Variants in RBM18 observed in about 807,000 individuals in gnomAD.
RBM18 encodes probable RNA-binding protein 18.
A neutral mutation model predicts 26.4 loss-of-function variants in RBM18; 18 were observed. The ratio of observed to expected loss-of-function variants is 0.68; its 90% CI spans 0.47 to 1.01. The LOEUF is 1.01. RBM18 is among the 50% of genes least tolerant of loss of function. RBM18 has a pLI of 0.00. For synonymous variants in RBM18, 74 were observed against 81.1 expected, an observed-to-expected ratio of 0.91 and a Z score of 0.47; for missense variants, 180 against 219.2, an observed-to-expected ratio of 0.82 and a Z score of 1.13.
At chr9:122,260,145 G>A (rs1249406862) in intron 2 of RBM18, among the ~76,000 whole-genome samples, 3 of 151,850 alleles carry the variant, frequency 2.0e-5, no homozygotes, top group African/African-American at 4.8e-5. Context: ...TAAGGAGTTC[G>A]AGATCAGCCT....
At chr9:122,259,543 T>C (rs1430641519) in intron 2 of RBM18, among the ~76,000 whole-genome samples, 1 of 152,208 alleles carries the variant, frequency 6.6e-6, no homozygotes, top group African/African-American at 2.4e-5. Flanking sequence ...CCGTCATAAT[T>C]TCTAAGGGAA....
At position 122,239,514 on chromosome 9, in the gene RBM18, A is replaced by T. The variant is rs536130202; in HGVS notation, c.*2370T>A. 2 of 152,356 alleles carry T rather than the reference A, an allele frequency of 1.3e-5. No homozygotes were observed. Among genetic ancestry groups the T allele is most frequent in the South Asian group, 4.1e-4 (2 of 4,830 alleles). 9.4% of individuals were successfully genotyped at this position (152,356 alleles called of 1,614,324 possible). On this transcript the variant is annotated 3_prime_UTR_variant, in exon 6 of 6. Transcript: ENST00000417201. ...CTTCAATTCTTCACTCTTGTATATA[A>T]ATCAAAATTATAAGTGACATAATTT...
At position 122,238,962 on chromosome 9, in the gene RBM18, G is replaced by C. The variant is rs1234657364; in HGVS notation, c.*2922C>G. ...GGATTTGTTGAAGAACTAGATAGGA[G>C]CTGGAGAGAAAAAGAGAAAACAGGG... On this transcript the variant is annotated 3_prime_UTR_variant, in exon 6 of 6. Transcript: ENST00000417201. 6.6e-6 allele frequency: 1 copy of C among 152,102 alleles called. No individual in the cohort carries two copies. Among genetic ancestry groups the C allele is most frequent in the Non-Finnish European group, 1.5e-5 (1 of 68,012 alleles). The allele number at this position is 152,102 out of a possible 1,614,324, so 9.4% of individuals were successfully genotyped here.
At chr9:122,258,696 T>C (rs887429974) in intron 2 of RBM18, among the ~76,000 whole-genome samples, 1 of 151,792 alleles carries the variant, frequency 6.6e-6, no homozygotes, top group Non-Finnish European at 1.5e-5. Flanking sequence ...TCCCAACACT[T>C]TGGGAGGCTG....
chr9:122,254,411 G>GTCCCC, intron 2 of RBM18: 2 of 410,308 alleles, frequency 4.9e-6, no homozygotes, highest in Non-Finnish European at 6.6e-6. Context: ...GCTTCCTGGA[G>GTCCCC]ATGGGGACTG....
intron 1 of RBM18, among the ~76,000 whole-genome samples, chr9:122,263,190 C>T (rs936434349): frequency 6.6e-6 from 1 of 152,200 alleles, no homozygotes; most frequent in Non-Finnish European, 1.5e-5. Flanking sequence ...TCTAGCACAG[C>T]AGTCCCTAGG....
In RBM18 at chr9:122,238,637, G is replaced by C. The variant is rs1412496443; in HGVS notation, c.*3247C>G. ...CACAAGGGGAGAACAGTAGGCTATA[G>C]GGTCAGACACGTAGTGAAGGACAGG... On this transcript the variant is annotated 3_prime_UTR_variant, in exon 6 of 6. Transcript: ENST00000417201. 6.6e-6 allele frequency: 1 copy of C among 152,242 alleles called. No homozygotes were observed. The highest frequency in any genetic ancestry group is 2.4e-5 in the African/African-American group (1 of 41,466). The allele number at this position is 152,242 out of a possible 1,614,324, so 9.4% of individuals were successfully genotyped here.
chr9:122,257,020 G>C (rs573814186), intron 2 of RBM18, among the ~76,000 whole-genome samples: 1 of 152,178 alleles, frequency 6.6e-6, no homozygotes, highest in African/African-American at 2.4e-5. Context: ...TAATCTCCAA[G>C]ATGTATTTAG....
chr9:122,246,174 A>T (rs1252137350), intron 4 of RBM18, among the ~76,000 whole-genome samples: 2 of 152,180 alleles, frequency 1.3e-5, no homozygotes, highest in Admixed American at 6.5e-5. Context: ...TTCTTTTAAA[A>T]TTTTATTAGA....
chr9:122,263,399 C>T (rs1205856578), intron 1 of RBM18, among the ~76,000 whole-genome samples: 1 of 152,186 alleles, frequency 6.6e-6, no homozygotes, highest in Non-Finnish European at 1.5e-5. Flanking sequence ...AATTTAATCC[C>T]AGGGGAGACA....
chr9:122,261,653 C>T, intron 1 of RBM18, 145 bp from the exon 2 acceptor site: 1 of 611,282 alleles, frequency 1.6e-6, no homozygotes, highest in Non-Finnish European at 2.9e-6. Context: ...ACAACCAGGG[C>T]CCCAGAACCA....
chr9:122,243,816 A>ATT (rs1831462102), intron 5 of RBM18: 16 of 985,088 alleles, frequency 1.6e-5, no homozygotes, highest in Non-Finnish European at 1.8e-5. Context: ...ACAGGGAAGC[A>ATT]ACCTTCTCTC....
At chr9:122,242,517 T>C (rs1224305512) in intron 5 of RBM18, among the ~76,000 whole-genome samples, 2 of 152,202 alleles carry the variant, frequency 1.3e-5, no homozygotes, top group African/African-American at 4.8e-5. Flanking sequence ...AAAGCCCAGG[T>C]TTCACCTGAA....
intron 2 of RBM18, among the ~76,000 whole-genome samples, chr9:122,253,254 A>G (rs976896345): frequency 6.6e-6 from 1 of 152,214 alleles, no homozygotes; most frequent in Non-Finnish European, 1.5e-5. Context: ...GAAATGGACC[A>G]TACACTATAC....
intron 2 of RBM18, among the ~76,000 whole-genome samples, chr9:122,258,222 T>C (rs961631803): frequency 1.3e-5 from 2 of 152,162 alleles, no homozygotes; most frequent in Admixed American, 6.5e-5. Context: ...TGAGGTAATA[T>C]TAATATTTCA....
In RBM18 at chr9:122,245,281, T is replaced by G. The variant is rs773573134; in HGVS notation, c.388A>C (p.Thr130Pro). The change falls in exon 5 of 6, where the codon ACT becomes CCT. Residue 130 changes from threonine (T) to proline (P), a missense_variant. This residue lies in a region of RBM18 where 103 missense variants were observed against 102.8 expected (regional missense o/e 1.00). Transcript: ENST00000417201. ...LPISLEPSSS[T>P]EPTQSNLSVT... ...CTTAGGTTAGACTGAGTAGGCTCAG[T>G]GCTTGAGGATGGCTCGAGACTGATT... 6.2e-7 allele frequency: 1 copy of G among 1,608,676 alleles called. No homozygotes were observed. Among genetic ancestry groups the G allele is most frequent in the Non-Finnish European group, 8.5e-7 (1 of 1,175,004 alleles).
chr9:122,243,132 C>G (rs146822647), intron 5 of RBM18, among the ~76,000 whole-genome samples: 213 of 152,114 alleles, frequency 1.4e-3, no homozygotes, highest in Non-Finnish European at 2.6e-3. Context: ...CCAGCCCCAT[C>G]TGATTTTTTT....
intron 2 of RBM18, among the ~76,000 whole-genome samples, chr9:122,254,873 C>T (rs1295502831): frequency 5.3e-5 from 8 of 151,994 alleles, no homozygotes; most frequent in Admixed American, 3.9e-4. Context: ...AGAATGAAGA[C>T]CAATGGTACA....
chr9:122,237,835 A>G lies in RBM18; in HGVS notation c.*4049T>C, dbSNP rs1348788083. 2 of 152,246 alleles carry G rather than the reference A, an allele frequency of 1.3e-5. No individual in the cohort carries two copies. Among genetic ancestry groups the G allele is most frequent in the Non-Finnish European group, 2.9e-5 (2 of 68,042 alleles). The allele number at this position is 152,246 out of a possible 1,614,324, so 9.4% of individuals were successfully genotyped here. On this transcript the variant is annotated 3_prime_UTR_variant, in exon 6 of 6. Transcript: ENST00000417201. Reference sequence around the variant, plus strand: ...TCTATTATATGGGGAAAACAGCCACATGTAAATGCCTGGGCATGGTTGTGT... The same window carrying G: ...TCTATTATATGGGGAAAACAGCCACGTGTAAATGCCTGGGCATGGTTGTGT...
Sources: allele counts gnomAD v4.1 joint callset (sites outside exome capture counted in the v4.1 genomes callset), GRCh38; gene constraint gnomAD v4.1.1; regional missense constraint gnomAD v4.1.1; transcripts MANE v1.5; gene names NCBI Gene and HGNC (gene_info 2026-07-23, HGNC 2026-07-21).